Variants in KCNB2 observed in about 807,000 individuals in gnomAD.
KCNB2 encodes potassium voltage-gated channel subfamily B member 2, also known as delayed rectifier potassium channel protein.
KCNB2 carries 15 observed loss-of-function variants against 61.5 expected under a neutral mutation model. The observed-to-expected ratio is 0.24, with a 90% CI of 0.16 to 0.38. The LOEUF (loss-of-function observed/expected upper bound fraction) is 0.38. Among genes scored for constraint, KCNB2 ranks in the 10% least tolerant of loss-of-function variants. The pLI is 1.00. For synonymous variants in KCNB2, 457 were observed against 446.0 expected, an observed-to-expected ratio of 1.02 and a Z score of -0.31; for missense variants, 828 against 1,125.2, an observed-to-expected ratio of 0.74 and a Z score of 3.78.
intron 2 of KCNB2, among the ~76,000 whole-genome samples, chr8:72,625,922 T>C (rs1805782902): frequency 6.6e-6 from 1 of 152,036 alleles, no homozygotes; most frequent in Non-Finnish European, 1.5e-5. Flanking sequence ...AATAGTGAGA[T>C]ACAGTATATC....
At chr8:72,705,974 T>G (rs1275122048) in intron 2 of KCNB2, among the ~76,000 whole-genome samples, 1 of 151,846 alleles carries the variant, frequency 6.6e-6, no homozygotes, top group African/African-American at 2.4e-5. Flanking sequence ...ATATGGAGAG[T>G]TGGTTACAGG....
intron 2 of KCNB2, among the ~76,000 whole-genome samples, chr8:72,904,043 T>C (rs1427349101): frequency 1.3e-5 from 2 of 152,172 alleles, no homozygotes; most frequent in Non-Finnish European, 2.9e-5. Context: ...TTAAAGGTGT[T>C]TGAGAAGTAG....
chr8:72,681,542 T>G (rs1023303686), intron 2 of KCNB2, among the ~76,000 whole-genome samples: 1 of 152,070 alleles, frequency 6.6e-6, no homozygotes, highest in Non-Finnish European at 1.5e-5. Context: ...CTGGAACACC[T>G]CTGAAGGACC....
chr8:72,538,768 A>AT (rs1169506684), intron 1 of KCNB2, among the ~76,000 whole-genome samples: 2 of 152,154 alleles, frequency 1.3e-5, no homozygotes, highest in Non-Finnish European at 2.9e-5. Context: ...GCATTGATTA[A>AT]TTTTTTTATT....
intron 2 of KCNB2, among the ~76,000 whole-genome samples, chr8:72,761,988 T>A (rs1027396342): frequency 2.0e-5 from 3 of 152,188 alleles, no homozygotes; most frequent in Middle Eastern, 3.2e-3. Context: ...TAGATTTATG[T>A]TAGAAGTCTA....
At chr8:72,726,334 G>C (rs1807649053) in intron 2 of KCNB2, among the ~76,000 whole-genome samples, 1 of 152,170 alleles carries the variant, frequency 6.6e-6, no homozygotes, top group South Asian at 2.1e-4. Context: ...AGAACTGTGA[G>C]AAAACAAGTT....
rs550467144 is a variant in KCNB2, at chr8:72,707,729, A to C, written c.579+139416A>C. ...AAGGTTTAACGTTTTTCCTGCTCAC[A>C]GTGTTGTTGCTGTTCTTTTCTAATT... On this transcript the variant is annotated intron_variant, in intron 2 of 2. Transcript: ENST00000523207. Among the ~76,000 whole-genome samples the C allele has an allele frequency of 9.9e-5, 15 of 152,240 alleles. No individual in the cohort carries two copies. In the East Asian group the frequency reaches 2.9e-3, roughly 29 times the overall value.
intron 1 of KCNB2, among the ~76,000 whole-genome samples, chr8:72,547,254 A>G (rs1182326065): frequency 6.6e-6 from 1 of 152,186 alleles, no homozygotes; most frequent in Non-Finnish European, 1.5e-5. Flanking sequence ...TCTGAGGGAG[A>G]TGTACATGGA....
At chr8:72,740,281 C>A (rs913384432) in intron 2 of KCNB2, among the ~76,000 whole-genome samples, 1 of 152,098 alleles carries the variant, frequency 6.6e-6, no homozygotes, top group East Asian at 1.9e-4. Context: ...ATGAGGTGAT[C>A]ATTCCTGTAA....
At chr8:72,777,454 C>A (rs1419419377) in intron 2 of KCNB2, among the ~76,000 whole-genome samples, 1 of 152,102 alleles carries the variant, frequency 6.6e-6, no homozygotes, top group African/African-American at 2.4e-5. Flanking sequence ...TCCAAGGTAA[C>A]CCCTACCACA....
At chr8:72,540,344 C>G (rs1350126254) in intron 1 of KCNB2, among the ~76,000 whole-genome samples, 5 of 152,092 alleles carry the variant, frequency 3.3e-5, no homozygotes, top group Admixed American at 1.3e-4. Context: ...GTAAGATATT[C>G]TGCTTATTTC....
intron 2 of KCNB2, among the ~76,000 whole-genome samples, chr8:72,912,414 A>T (rs1001328740): frequency 2.0e-5 from 3 of 151,646 alleles, no homozygotes; most frequent in Non-Finnish European, 4.4e-5. Flanking sequence ...ACAAGTCACA[A>T]AAAAGGTGCA....
chr8:72,645,430 A>G (rs1806114436), intron 2 of KCNB2, among the ~76,000 whole-genome samples: 1 of 152,062 alleles, frequency 6.6e-6, no homozygotes. Context: ...ATTTTTTTTA[A>G]TATATCACAG....
chr8:72,751,784 C>T (rs1808193176), intron 2 of KCNB2: 1 of 152,070 alleles, frequency 6.6e-6, no homozygotes, highest in Admixed American at 6.6e-5. Flanking sequence ...CCATCTGAGC[C>T]CCCACCTACA....
intron 2 of KCNB2, among the ~76,000 whole-genome samples, chr8:72,709,166 A>G (rs911043440): frequency 5.3e-5 from 8 of 152,198 alleles, no homozygotes; most frequent in African/African-American, 1.2e-4. Context: ...AGTTAAATGT[A>G]TCTAGAAGAA....
intron 2 of KCNB2, among the ~76,000 whole-genome samples, chr8:72,663,075 C>T (rs956860758): frequency 2.1e-4 from 32 of 152,112 alleles, no homozygotes; most frequent in Non-Finnish European, 1.2e-4. Flanking sequence ...CATTTCTGCA[C>T]TCCAGGTGGG....
rs869160203 is a variant in KCNB2, at chr8:72,597,001, C to CTTTTTTTTT, written c.579+28721_579+28729dup. 1.6e-3 allele frequency among the ~76,000 whole-genome samples: 105 copies of CTTTTTTTTT among 64,652 alleles called. 11 individuals carry two copies. Among genetic ancestry groups the CTTTTTTTTT allele is most frequent in the Middle Eastern group, 8.9e-3 (1 of 112 alleles). The allele number at this position is 64,652 out of a possible 152,430, so 42.4% of individuals were successfully genotyped here. On this transcript the variant is annotated intron_variant, in intron 2 of 2. Coordinates refer to ENST00000523207, the MANE Select transcript of KCNB2 (RefSeq NM_004770.3). ...GCATGCTTGCTTGCTTGCTTGCTTGCTTTTTTTTTTTTTTTTTTTTTTTTT... is the reference window on the plus strand; with the variant it reads ...GCATGCTTGCTTGCTTGCTTGCTTGCTTTTTTTTTTTTTTTTTTTTTTTTTTTTTTTTTT...
At chr8:72,640,380 T>C (rs1200555883) in intron 2 of KCNB2, among the ~76,000 whole-genome samples, 1 of 151,536 alleles carries the variant, frequency 6.6e-6, no homozygotes. Context: ...TCTGTTTTGC[T>C]GGTATTTTTT....
intron 2 of KCNB2, among the ~76,000 whole-genome samples, chr8:72,707,359 G>A (rs958753714): frequency 1.3e-5 from 2 of 152,168 alleles, no homozygotes; most frequent in African/African-American, 4.8e-5. Context: ...ATGCCTTTAT[G>A]TTCCAAAGGA....
Sources: allele counts gnomAD v4.1 joint callset (sites outside exome capture counted in the v4.1 genomes callset), GRCh38; gene constraint gnomAD v4.1.1; transcripts MANE v1.5; gene names NCBI Gene and HGNC (gene_info 2026-07-23, HGNC 2026-07-21).